Variants in PRKCE observed in about 807,000 individuals in gnomAD.
PRKCE encodes protein kinase C epsilon.
A neutral mutation model predicts 85.4 loss-of-function variants in PRKCE; 16 were observed. That is an observed-to-expected ratio of 0.19 (90% confidence interval 0.13 to 0.28). The LOEUF is 0.28. Among genes scored for constraint, PRKCE ranks in the 10% least tolerant of loss-of-function variants. The pLI is 1.00. For synonymous variants in PRKCE, 388 were observed against 371.5 expected, an observed-to-expected ratio of 1.04 and a Z score of -0.51; for missense variants, 573 against 975.2, an observed-to-expected ratio of 0.59 and a Z score of 5.49.
intron 10 of PRKCE, among the ~76,000 whole-genome samples, chr2:46,079,175 C>CAAAA (rs11452307): frequency 7.9e-6 from 1 of 126,464 alleles, no homozygotes; most frequent in Non-Finnish European, 1.6e-5. Context: ...GACTCTGTCT[C>CAAAA]AAAAAAAAAA....
At chr2:45,849,303 A>T (rs1692053007) in intron 2 of PRKCE, among the ~76,000 whole-genome samples, 1 of 152,116 alleles carries the variant, frequency 6.6e-6, no homozygotes, top group Non-Finnish European at 1.5e-5. Flanking sequence ...TACAACTATG[A>T]CACTGAGGCA....
intron 2 of PRKCE, among the ~76,000 whole-genome samples, chr2:45,943,737 G>C (rs561932849): frequency 6.6e-6 from 1 of 152,302 alleles, no homozygotes; most frequent in African/African-American, 2.4e-5. Flanking sequence ...CAGAAACCAA[G>C]CCTCCTCTCC....
At chr2:45,668,302 T>A (rs1156993731) in intron 1 of PRKCE, among the ~76,000 whole-genome samples, 1 of 152,206 alleles carries the variant, frequency 6.6e-6, no homozygotes, top group Non-Finnish European at 1.5e-5. Context: ...ATGGCGCCAA[T>A]GCACTCCAGC....
At chr2:45,702,616 T>A (rs993362368) in intron 1 of PRKCE, among the ~76,000 whole-genome samples, 1 of 152,230 alleles carries the variant, frequency 6.6e-6, no homozygotes, top group Non-Finnish European at 1.5e-5. Flanking sequence ...GTTGAATAAC[T>A]ATTGATTGAG....
At chr2:45,769,593 TAA>T (rs2104899278) in intron 1 of PRKCE, among the ~76,000 whole-genome samples, 1 of 152,346 alleles carries the variant, frequency 6.6e-6, no homozygotes, top group African/African-American at 2.4e-5. Context: ...TCACTGATAT[TAA>T]GTTTGTTTAA....
intron 10 of PRKCE, among the ~76,000 whole-genome samples, chr2:46,045,353 G>T (rs1194798482): frequency 6.6e-6 from 1 of 152,172 alleles, no homozygotes; most frequent in African/African-American, 2.4e-5. Flanking sequence ...TGATTTAAGG[G>T]CTGTTAAAGC....
chr2:45,992,635 C>A (rs532051132), intron 6 of PRKCE, among the ~76,000 whole-genome samples: 1 of 152,370 alleles, frequency 6.6e-6, no homozygotes, highest in South Asian at 2.1e-4. Flanking sequence ...ATTACCCCAA[C>A]ATAAAGAAAT....
intron 1 of PRKCE, among the ~76,000 whole-genome samples, chr2:45,691,730 G>A (rs1677743796): frequency 6.6e-6 from 1 of 152,150 alleles, no homozygotes; most frequent in Admixed American, 6.5e-5. Flanking sequence ...GGTATTTGAG[G>A]TCATTAGCTC....
At chr2:45,861,947 T>C (rs538077799) in intron 2 of PRKCE, among the ~76,000 whole-genome samples, 112 of 152,232 alleles carry the variant, frequency 7.4e-4, no homozygotes, top group African/African-American at 2.4e-3. Context: ...TATACTGTGA[T>C]CCCATTTGTG....
At chr2:46,075,202 G>A (rs1010956360) in intron 10 of PRKCE, among the ~76,000 whole-genome samples, 1 of 151,854 alleles carries the variant, frequency 6.6e-6, no homozygotes, top group Admixed American at 6.6e-5. Context: ...CACCACGCCC[G>A]GCTAACTTTT....
intron 12 of PRKCE, among the ~76,000 whole-genome samples, chr2:46,148,163 C>T (rs1203494654): frequency 6.6e-6 from 1 of 152,214 alleles, no homozygotes; most frequent in African/African-American, 2.4e-5. Context: ...GCCCCTGCTT[C>T]CCAGGAAGTG....
At chr2:45,712,621 T>G (rs994195613) in intron 1 of PRKCE, among the ~76,000 whole-genome samples, 3 of 152,148 alleles carry the variant, frequency 2.0e-5, no homozygotes, top group Non-Finnish European at 2.9e-5. Context: ...GACAGTTGCA[T>G]TCCCTCTATG....
At chr2:45,730,750 A>G (rs535335584) in intron 1 of PRKCE, among the ~76,000 whole-genome samples, 20 of 152,076 alleles carry the variant, frequency 1.3e-4, no homozygotes, top group Non-Finnish European at 2.2e-4. Flanking sequence ...GTGAGCTACC[A>G]TGCCTGGCAA....
chr2:45,961,947 G>A (rs543632086), intron 2 of PRKCE, among the ~76,000 whole-genome samples: 10 of 152,170 alleles, frequency 6.6e-5, no homozygotes, highest in African/African-American at 2.2e-4. Context: ...CACCTGCCTC[G>A]GCCTGGCAAA....
intron 10 of PRKCE, among the ~76,000 whole-genome samples, chr2:46,039,790 G>A (rs1202862023): frequency 6.6e-6 from 1 of 152,188 alleles, no homozygotes; most frequent in Non-Finnish European, 1.5e-5. Flanking sequence ...ATTAGACACA[G>A]GCTCAGCCTC....
At chr2:46,149,718 TATATATGTATTTA>T in intron 12 of PRKCE, among the ~76,000 whole-genome samples, 1 of 12,688 alleles carries the variant, frequency 7.9e-5, no homozygotes, top group Admixed American at 2.6e-3. Flanking sequence ...TGTATTTTTA[TATATATGTATTTA>T]TATATATGTA....
intron 1 of PRKCE, among the ~76,000 whole-genome samples, chr2:45,778,800 A>T (rs902087808): frequency 6.6e-6 from 1 of 152,216 alleles, no homozygotes; most frequent in African/African-American, 2.4e-5. Context: ...TGGGAGCTCA[A>T]GGTGTGACCT....
intron 1 of PRKCE, among the ~76,000 whole-genome samples, chr2:45,827,858 A>G (rs2105372559): frequency 6.6e-6 from 1 of 152,402 alleles, no homozygotes; most frequent in East Asian, 1.9e-4. Context: ...TGACTTTGAC[A>G]TACCTAATAA....
intron 10 of PRKCE, among the ~76,000 whole-genome samples, chr2:46,048,068 A>T (rs779925483): frequency 6.6e-6 from 1 of 152,084 alleles, no homozygotes; most frequent in East Asian, 1.9e-4. Context: ...ACTTCTAAAC[A>T]GCGTGTCAAG....
Sources: gnomAD v4.1 joint callset for allele counts (sites outside exome capture counted in the v4.1 genomes callset) on GRCh38, gnomAD v4.1.1 for gene constraint, MANE v1.5 for transcripts, NCBI Gene and HGNC (gene_info 2026-07-23, HGNC 2026-07-21) for gene names.